Variants in MAST4 observed in about 807,000 individuals in gnomAD.
The protein encoded by MAST4 is microtubule-associated serine/threonine-protein kinase 4.
Under a neutral mutation model 162.7 loss-of-function variants are expected in MAST4, and 89 were observed. That is an observed-to-expected ratio of 0.55 (90% CI 0.46 to 0.65). The LOEUF (loss-of-function observed/expected upper bound fraction) is 0.65, where lower values mean the gene tolerates loss of function less well. Among genes scored for constraint, MAST4 ranks in the 30% least tolerant of loss-of-function variants. The probability of loss-of-function intolerance (pLI) is 0.00; values close to 1 mark genes in which losing one functional copy is unlikely to be tolerated. For synonymous variants in MAST4, 1,479 were observed against 1,361.1 expected, an observed-to-expected ratio of 1.09 and a Z score of -1.91; for missense variants, 3,153 against 3,374.0, an observed-to-expected ratio of 0.93 and a Z score of 1.62.
chr5:67,165,978 G>A lies in MAST4; in HGVS notation c.6799G>A (p.Gly2267Arg), dbSNP rs987751425. The A allele has an allele frequency of 1.1e-5, 18 of 1,613,388 alleles. No individual in the cohort carries two copies. The African/African-American group carries it at 2.4e-4, about 22-fold the overall frequency. The stretch of plus-strand genomic sequence containing the variant: ...CAAAGCCAGCGATGGGATTGGCCAG[G>A]GAGAAGGTGGGCCCTCTGTCCCACT... The part of the protein sequence containing the change: ...QNKASDGIGQ[G>R]EGGPSVPLHT... The change falls in exon 29 of 29, where the codon GGA (glycine) becomes AGA (arginine). Residue 2267 changes from glycine to arginine, a missense_variant. Transcript: ENST00000403625.
chr5:66,684,827 T>C (rs1402446977), intron 1 of MAST4, among the ~76,000 whole-genome samples: 1 of 152,040 alleles, frequency 6.6e-6, no homozygotes, highest in Non-Finnish European at 1.5e-5. Context: ...GAGCCAGCAG[T>C]TGATGGTTAT....
intron 5 of MAST4, among the ~76,000 whole-genome samples, chr5:67,077,542 G>A (rs1761808402): frequency 1.3e-5 from 2 of 152,110 alleles, no homozygotes; most frequent in Non-Finnish European, 2.9e-5. Context: ...TTGTAGTTAC[G>A]CTTTCATCCA....
chr5:67,055,701 A>G (rs1438647951), intron 5 of MAST4, among the ~76,000 whole-genome samples: 1 of 152,240 alleles, frequency 6.6e-6, no homozygotes, highest in African/African-American at 2.4e-5. Flanking sequence ...GTAAAACCTT[A>G]GAGTTGGAGA....
At chr5:66,633,114 A>G (rs1394383122) in intron 1 of MAST4, among the ~76,000 whole-genome samples, 1 of 152,194 alleles carries the variant, frequency 6.6e-6, no homozygotes, top group Non-Finnish European at 1.5e-5. Flanking sequence ...ATCACCAGTC[A>G]TGTACTCCTT....
At chr5:66,657,308 C>T (rs991826069) in intron 1 of MAST4, among the ~76,000 whole-genome samples, 7 of 152,152 alleles carry the variant, frequency 4.6e-5, no homozygotes, top group African/African-American at 1.7e-4. Flanking sequence ...TAACAGAGGA[C>T]ACTGTCTTAT....
At chr5:67,012,583 C>T (rs562438462) in intron 4 of MAST4, among the ~76,000 whole-genome samples, 4 of 152,080 alleles carry the variant, frequency 2.6e-5, no homozygotes, top group Non-Finnish European at 5.9e-5. Context: ...AAAGTAGATA[C>T]AAAGTGTGCA....
At chr5:66,808,627 T>C (rs1013740042) in intron 3 of MAST4, among the ~76,000 whole-genome samples, 2 of 152,324 alleles carry the variant, frequency 1.3e-5, no homozygotes, top group African/African-American at 4.8e-5. Context: ...TCCTCTCCCA[T>C]TGCCAGATCA....
chr5:66,837,280 C>T (rs771426447), intron 3 of MAST4, among the ~76,000 whole-genome samples: 1 of 152,150 alleles, frequency 6.6e-6, no homozygotes, highest in South Asian at 2.1e-4. Flanking sequence ...TTTTCTTTTT[C>T]TTCATCATTA....
At chr5:66,873,007 T>A (rs1215485825) in intron 3 of MAST4, among the ~76,000 whole-genome samples, 1 of 152,242 alleles carries the variant, frequency 6.6e-6, no homozygotes. Flanking sequence ...AACTTTCTTC[T>A]ACTGGTGGTG....
rs771699002 is a variant in MAST4, at chr5:67,165,810, T to G, written c.6631T>G (p.Ser2211Ala). ...GPPKTKHPDR[S>A]LSSQKPSVGA... ...TCCAAAGACTAAGCACCCCGACCGG[T>G]CCCTCTCCTCTCAGAAACCAAGTGT... The change falls in exon 29 of 29, where the codon TCC becomes GCC. Residue 2211 changes from serine to alanine, a missense_variant. By Grantham distance (99) the Ser-to-Ala change is moderately conservative (BLOSUM62 1). Coordinates refer to ENST00000403625, the MANE Select transcript of MAST4 (RefSeq NM_001164664.2). 6.2e-7 allele frequency: 1 copy of G among 1,612,182 alleles called. No homozygotes were observed. The highest frequency in any genetic ancestry group is 8.5e-7 in the Non-Finnish European group (1 of 1,179,490).
At chr5:66,697,965 C>T (rs1393575492) in intron 1 of MAST4, among the ~76,000 whole-genome samples, 1 of 152,060 alleles carries the variant, frequency 6.6e-6, no homozygotes, top group East Asian at 1.9e-4. Flanking sequence ...CGTCCTAACT[C>T]GATTCCCAAC....
rs1248579441 is a variant in MAST4, at chr5:66,788,674, G to A, written c.522G>A (p.Arg174=). 1.4e-5 allele frequency: 23 copies of A among 1,611,722 alleles called. No individual in the cohort carries two copies. Among genetic ancestry groups the A allele is most frequent in the Non-Finnish European group, 2.0e-5 (23 of 1,179,004 alleles). Residue 174 remains arginine, a synonymous_variant, in exon 3 of 29, where the codon AGG becomes AGA. Coordinates refer to ENST00000403625, the MANE Select transcript of MAST4 (RefSeq NM_001164664.2). ...TCTTCTCTTTAACTCCAACAGGGAGGTACCTTCTTCCAAACCCGGTGGCGG... is the reference window on the plus strand; with the variant it reads ...TCTTCTCTTTAACTCCAACAGGGAGATACCTTCTTCCAAACCCGGTGGCGG... ...RGSLGGALTG[R]YLLPNPVAGQ...
chr5:66,922,184 C>A (rs150240976), intron 4 of MAST4, among the ~76,000 whole-genome samples: 10 of 152,290 alleles, frequency 6.6e-5, no homozygotes, highest in African/African-American at 2.2e-4. Flanking sequence ...CACTCTGTTT[C>A]TGGGCTCGCT....
chr5:66,721,686 C>T (rs756025193), intron 1 of MAST4, among the ~76,000 whole-genome samples: 6 of 150,444 alleles, frequency 4.0e-5, no homozygotes, highest in African/African-American at 7.4e-5. Flanking sequence ...AGATCTCTCA[C>T]GAACTCCAGA....
chr5:67,152,609 G>A, intron 24 of MAST4, 28 bp from the exon 25 acceptor site: 2 of 1,598,150 alleles, frequency 1.3e-6, no homozygotes, highest in African/African-American at 1.3e-5. Flanking sequence ...AGCCACATGG[G>A]CTTTGATGAC....
At chr5:66,884,941 A>G (rs1430246005) in intron 3 of MAST4, among the ~76,000 whole-genome samples, 1 of 152,202 alleles carries the variant, frequency 6.6e-6, no homozygotes, top group East Asian at 1.9e-4. Context: ...ACCTCTGGGC[A>G]TATCATTTGG....
chr5:66,870,759 A>G (rs1760870908), intron 3 of MAST4: 1 of 470,952 alleles, frequency 2.1e-6, no homozygotes, highest in South Asian at 1.5e-5. Flanking sequence ...TTCACTCCCC[A>G]TCTTCCATTC....
intron 4 of MAST4, among the ~76,000 whole-genome samples, chr5:67,049,319 T>C (rs1020511594): frequency 1.3e-5 from 2 of 151,968 alleles, no homozygotes; most frequent in Non-Finnish European, 2.9e-5. Flanking sequence ...CCAAAAAAAG[T>C]AAGTTTATGA....
intron 4 of MAST4, among the ~76,000 whole-genome samples, chr5:66,972,453 A>G (rs1747561909): frequency 6.6e-6 from 1 of 152,186 alleles, no homozygotes; most frequent in African/African-American, 2.4e-5. Flanking sequence ...TTTATATAAA[A>G]TACAAGTTTG....
Sources: gnomAD v4.1 joint callset for allele counts (sites outside exome capture counted in the v4.1 genomes callset) on GRCh38, gnomAD v4.1.1 for gene constraint, MANE v1.5 for transcripts, NCBI Gene and HGNC (gene_info 2026-07-23, HGNC 2026-07-21) for gene names.